The following OR9I1 variants were observed in gnomAD, a reference collection of about 807,000 sequenced individuals.
OR9I1 encodes olfactory receptor 9I1.
In OR9I1, 7 loss-of-function variants were observed where a neutral mutation model predicts 11.2. The ratio of observed to expected loss-of-function variants is 0.62; its 90% CI spans 0.36 to 1.17. The LOEUF is 1.17. Among genes scored for constraint, OR9I1 ranks in the 50% most tolerant of loss-of-function variants. The pLI, the probability that OR9I1 is intolerant of heterozygous loss-of-function variation, is 0.02. For synonymous variants in OR9I1, 165 were observed against 153.4 expected (o/e 1.08, Z -0.56); for missense variants, 428 against 377.2 (o/e 1.13, Z -1.12).
Position 58,119,052 on chromosome 11 carries a change from G to C in OR9I1, c.393C>G (p.Leu131=). The C allele has an allele frequency of 6.2e-7, 1 of 1,614,022 alleles. No individual in the cohort carries two copies. The highest frequency in any genetic ancestry group is 2.2e-5 in the East Asian group (1 of 44,792). ...DRYAAIRNPL[L]YTVAMNPRLC... ...GCCTGGGATTCATGGCCACGGTATA[G>C]AGCAGTGGGTTGCGAATGGCAGCAT... The change falls in exon 3 of 3, where the codon CTC becomes CTG. Residue 131 remains leucine (L), a synonymous_variant. Transcript: ENST00000641439.
In OR9I1 at chr11:58,119,163, G is replaced by A. The variant is rs148409904; in HGVS notation, c.282C>T (p.Tyr94=). The A allele has an allele frequency of 7.0e-4, 1,132 of 1,614,038 alleles. No homozygotes were observed. Among genetic ancestry groups the A allele is most frequent in the Non-Finnish European group, 8.8e-4 (1,043 of 1,179,994 alleles). Residue 94 remains tyrosine, a synonymous_variant, in exon 3 of 3, where the codon TAC becomes TAT. Transcript: ENST00000641439. The part of the protein sequence containing the change: ...TLATGKTVIS[Y]GHCAAQFFLF... ...AAAAGAACTGGGCAGCACAGTGGCC[G>A]TAGGAGATGACCGTTTTGCCTGTGG... is the stretch of plus-strand genomic sequence containing the variant.
In OR9I1 at chr11:58,118,861, A is replaced by C; in HGVS notation, c.584T>G (p.Ile195Ser). ...LKLACSDTAN[I>S]EIVIIFFGNF... ...GCCAAAGAAGATGATGACAATCTCG[A>C]TGTTTGCTGTGTCACTGCAGGCAAG... The change falls in exon 3 of 3, where the codon ATC becomes AGC. Residue 195 changes from isoleucine to serine, a missense_variant. Coordinates refer to ENST00000641439, the MANE Select transcript of OR9I1 (RefSeq NM_001005211.2). The C allele has an allele frequency of 2.5e-6, 4 of 1,614,034 alleles. No homozygotes were observed. The highest frequency in any genetic ancestry group is 3.4e-6 in the Non-Finnish European group (4 of 1,179,988).
At position 58,118,141 on chromosome 11, in the gene OR9I1, C is replaced by G. The variant is rs1411892899; in HGVS notation, c.*359G>C. ...GAGATAAAAGTGGGATTGATGGGAG[C>G]AAAAACAAGAGGGAAAGGATGGCAA... On this transcript the variant is annotated 3_prime_UTR_variant, in exon 3 of 3. Coordinates refer to ENST00000641439, the MANE Select transcript of OR9I1 (RefSeq NM_001005211.2). 5.9e-6 allele frequency: 1 copy of G among 169,888 alleles called. No homozygotes were observed. The highest frequency in any genetic ancestry group is 6.0e-5 in the Admixed American group (1 of 16,586). The allele number at this position is 169,888 out of a possible 1,614,324, so 10.5% of individuals were successfully genotyped here.
Position 58,119,078 on chromosome 11 carries a change from A to G in OR9I1, c.367T>C (p.Tyr123His). The G allele has an allele frequency of 6.2e-7, 1 of 1,613,984 alleles. No individual in the cohort carries two copies. Among genetic ancestry groups the G allele is most frequent in the Non-Finnish European group, 8.5e-7 (1 of 1,179,962 alleles). Residue 123 changes from tyrosine to histidine, a missense_variant, in exon 3 of 3, where the codon TAT (tyrosine) becomes CAT (histidine). Tyr to His is a moderately conservative substitution (Grantham distance 83). Coordinates refer to ENST00000641439, the MANE Select transcript of OR9I1 (RefSeq NM_001005211.2). The stretch of plus-strand genomic sequence containing the variant: ...AGCAGTGGGTTGCGAATGGCAGCAT[A>G]GCGATCATAGGCCATCACTGCCAGC... ...FLLAVMAYDRYAAIRNPLLYT... is the reference protein window; with the variant it reads ...FLLAVMAYDRHAAIRNPLLYT...
intron 1 of OR9I1, among the ~76,000 whole-genome samples, 173 bp from the exon 2 acceptor site, chr11:58,124,812 GC>G (rs1854072501): frequency 6.6e-6 from 1 of 152,172 alleles, no homozygotes; most frequent in African/African-American, 2.4e-5. Context: ...ACGCTGTGCT[GC>G]TTTTCCTAAT....
chr11:58,122,780 G>A (rs1426155665), intron 2 of OR9I1, among the ~76,000 whole-genome samples: 1 of 151,900 alleles, frequency 6.6e-6, no homozygotes, highest in East Asian at 1.9e-4. Flanking sequence ...GCACTCCAGT[G>A]TATTCAAAAT....
In OR9I1 at chr11:58,118,536, C is replaced by A. The variant is rs757448772; in HGVS notation, c.909G>T (p.Lys303Asn). 8.7e-6 allele frequency: 14 copies of A among 1,611,876 alleles called. 1 individual carries two copies. Among genetic ancestry groups the A allele is most frequent in the Non-Finnish European group, 1.1e-5 (13 of 1,179,324 alleles). Reference protein sequence around the residue: ...RNKDVKDAFRKVARRLQVSLS... With the variant: ...RNKDVKDAFRNVARRLQVSLS... ...GGGACACCTGGAGTCTCCTAGCGACCTTTCTGAAGGCGTCTTTTACATCTT... is the reference window on the plus strand; with the variant it reads ...GGGACACCTGGAGTCTCCTAGCGACATTTCTGAAGGCGTCTTTTACATCTT... The change falls in exon 3 of 3, where the codon AAG (lysine) becomes AAT (asparagine). Residue 303 changes from lysine to asparagine, a missense_variant. Coordinates refer to ENST00000641439, the MANE Select transcript of OR9I1 (RefSeq NM_001005211.2).
chr11:58,122,317 C>T (rs140540363), intron 2 of OR9I1, among the ~76,000 whole-genome samples: 267 of 152,276 alleles, frequency 1.8e-3, no homozygotes, highest in African/African-American at 5.7e-3. Context: ...GGTCTGGGGA[C>T]GAGTCAGCTT....
At chr11:58,125,160 CTATT>C (rs753900802) in intron 1 of OR9I1, 110 bp downstream of exon 1, 3 of 151,464 alleles carry the variant, frequency 2.0e-5, no homozygotes, top group Non-Finnish European at 2.9e-5. Flanking sequence ...CCACATGAAA[CTATT>C]TATATTTTCT....
chr11:58,119,114 CTG>C lies in OR9I1; in HGVS notation c.329_330del (p.Thr110ArgfsTer11). 1 of 1,614,010 alleles carries C rather than the reference CTG, an allele frequency of 6.2e-7. No individual in the cohort carries two copies. The highest frequency in any genetic ancestry group is 8.5e-7 in the Non-Finnish European group (1 of 1,179,984). On this transcript the variant is annotated frameshift_variant, in exon 3 of 3. Coordinates refer to ENST00000641439, the MANE Select transcript of OR9I1 (RefSeq NM_001005211.2). LOFTEE classifies it high-confidence loss of function. ...GCCATCACTGCCAGCAGAAAGCACT[CTG>C]TGCCTGCACAGATGGTGAATAAAAA... is the stretch of plus-strand genomic sequence containing the variant. ...QFFLFTICAG[T>X]ECFLLAVMAY...
At position 58,118,717 on chromosome 11, in the gene OR9I1, G is replaced by A; in HGVS notation, c.728C>T (p.Ser243Phe). 1 of 1,614,078 alleles carries A rather than the reference G, an allele frequency of 6.2e-7. No homozygotes were observed. The highest frequency in any genetic ancestry group is 1.1e-5 in the South Asian group (1 of 91,072). The part of the protein sequence containing the change: ...GRAKTFSTCA[S>F]HITAVALFFG... The stretch of plus-strand genomic sequence containing the variant: ...GAAAAGGGCCACAGCAGTGATGTGA[G>A]AGGCACATGTGGAGAAAGTCTTGGC... The change falls in exon 3 of 3, where the codon TCT becomes TTT. Residue 243 changes from serine to phenylalanine, a missense_variant. Transcript: ENST00000641439.
In OR9I1 at chr11:58,118,987, A is replaced by G. The variant is rs747608260; in HGVS notation, c.458T>C (p.Val153Ala). ...AGTGGTACGCAGGATGGCTCCTGACACCCCACAGACATAGGCTCCTACCAC... is the reference window on the plus strand; with the variant it reads ...AGTGGTACGCAGGATGGCTCCTGACGCCCCACAGACATAGGCTCCTACCAC... ...SLVVGAYVCG[V>A]SGAILRTTCT... The change falls in exon 3 of 3, where the codon GTG becomes GCG. Residue 153 changes from valine to alanine, a missense_variant. Transcript: ENST00000641439. The G allele has an allele frequency of 6.2e-7, 1 of 1,613,836 alleles. No homozygotes were observed. Among genetic ancestry groups the G allele is most frequent in the Non-Finnish European group, 8.5e-7 (1 of 1,179,956 alleles).
chr11:58,120,582 T>G (rs1854019490), intron 2 of OR9I1, among the ~76,000 whole-genome samples: 2 of 151,900 alleles, frequency 1.3e-5, no homozygotes. Context: ...GAACTCAATT[T>G]GTAGCCTTTT....
intron 2 of OR9I1, among the ~76,000 whole-genome samples, chr11:58,122,547 A>C (rs1243760401): frequency 2.6e-5 from 4 of 152,226 alleles, no homozygotes; most frequent in Non-Finnish European, 5.9e-5. Context: ...TATCTACTAA[A>C]TACTGAGTAT....
intron 2 of OR9I1, among the ~76,000 whole-genome samples, chr11:58,120,365 T>C (rs1854016293): frequency 6.6e-6 from 1 of 152,220 alleles, no homozygotes; most frequent in Non-Finnish European, 1.5e-5. Flanking sequence ...CACCTATTTG[T>C]AACATAGAAA....
At chr11:58,122,884 A>G (rs1014628537) in intron 2 of OR9I1, among the ~76,000 whole-genome samples, 4 of 151,812 alleles carry the variant, frequency 2.6e-5, no homozygotes, top group Non-Finnish European at 5.9e-5. Flanking sequence ...ATTTGTGTAC[A>G]TGATATTGTG....
At chr11:58,120,036 A>G (rs1854011931) in intron 2 of OR9I1, among the ~76,000 whole-genome samples, 1 of 152,206 alleles carries the variant, frequency 6.6e-6, no homozygotes, top group African/African-American at 2.4e-5. Flanking sequence ...CCGTCTTACT[A>G]TATAATTATT....
intron 2 of OR9I1, among the ~76,000 whole-genome samples, chr11:58,122,974 G>A (rs898510141): frequency 1.4e-5 from 2 of 143,340 alleles, no homozygotes; most frequent in East Asian, 2.0e-4. Flanking sequence ...TTTTTTTTTC[G>A]GATTTTGTTA....
At chr11:58,119,673 T>G (rs542083715) in intron 2 of OR9I1, among the ~76,000 whole-genome samples, 2 of 152,294 alleles carry the variant, frequency 1.3e-5, no homozygotes, top group South Asian at 4.1e-4. Flanking sequence ...TAATCCTAGT[T>G]TACATTTGGA....
Sources: gnomAD v4.1 joint callset for allele counts (sites outside exome capture counted in the v4.1 genomes callset) on GRCh38, gnomAD v4.1.1 for gene constraint, MANE v1.5 for transcripts, NCBI Gene and HGNC (gene_info 2026-07-23, HGNC 2026-07-21) for gene names.